The following OR1B1 variants were observed in gnomAD, a reference collection of about 807,000 sequenced individuals.
The protein encoded by OR1B1 is olfactory receptor 1B1.
For missense variants in OR1B1, 414 were observed against 402.1 expected, an observed-to-expected ratio of 1.03 and a Z score of -0.25; for synonymous variants, 168 against 156.2, an observed-to-expected ratio of 1.08 and a Z score of -0.57.
the OR1B1 span, among the ~76,000 whole-genome samples, chr9:122,644,885 G>A: frequency 6.6e-6 from 1 of 152,136 alleles, no homozygotes; most frequent in Non-Finnish European, 1.5e-5. Context: ...CCAGACACCA[G>A]TGAACATCTA....
the OR1B1 span, among the ~76,000 whole-genome samples, chr9:122,653,029 C>T: frequency 6.6e-6 from 1 of 152,150 alleles, no homozygotes; most frequent in Non-Finnish European, 1.5e-5. Context: ...GCACTCAGGA[C>T]TAAGGCCAGC....
the OR1B1 span, among the ~76,000 whole-genome samples, chr9:122,641,494 G>A: frequency 7.8e-4 from 118 of 152,224 alleles, no homozygotes; most frequent in African/African-American, 2.7e-3. Context: ...TCAAAGTGGT[G>A]GGGAAAGAGT....
the OR1B1 span, among the ~76,000 whole-genome samples, chr9:122,636,444 G>A: frequency 6.6e-6 from 1 of 152,152 alleles, no homozygotes; most frequent in Admixed American, 6.5e-5. Context: ...GTGAAACCCA[G>A]TCTCTACCAA....
chr9:122,646,886 GACATAAGGAGAA>G, the OR1B1 span, among the ~76,000 whole-genome samples: 474 of 152,166 alleles, frequency 3.1e-3, no homozygotes, highest in African/African-American at 0.011. Flanking sequence ...AGCACAATAA[GACATAAGGAGAA>G]ACAACAAAAA....
upstream of OR1B1, among the ~76,000 whole-genome samples, chr9:122,632,663 C>T (rs1220415786): frequency 5.9e-5 from 9 of 152,254 alleles, no homozygotes; most frequent in East Asian, 1.5e-3. Context: ...TGAGTGAGAA[C>T]ATTCAATGTT....
At chr9:122,629,704 G>A (rs950798808), upstream of OR1B1, 20 of 527,206 alleles carry the variant, frequency 3.8e-5, no homozygotes, top group African/African-American at 1.9e-4. Context: ...CTAGGATTTC[G>A]CTTCCTTAAT....
At chr9:122,655,862 T>A in the OR1B1 span, among the ~76,000 whole-genome samples, 1 of 152,044 alleles carries the variant, frequency 6.6e-6, no homozygotes, top group Non-Finnish European at 1.5e-5. Flanking sequence ...AAAAGTCCTA[T>A]TTTGTGAAAT....
the OR1B1 span, among the ~76,000 whole-genome samples, chr9:122,639,990 G>T: frequency 6.6e-6 from 1 of 151,930 alleles, no homozygotes; most frequent in African/African-American, 2.4e-5. Context: ...GAAACCTGCG[G>T]TTCTGTGAGG....
the OR1B1 span, among the ~76,000 whole-genome samples, chr9:122,649,354 T>A: frequency 6.6e-6 from 1 of 152,200 alleles, no homozygotes; most frequent in African/African-American, 2.4e-5. Context: ...AAAGACTTCA[T>A]GTCTAAAACA....
exon 1 of OR1B1, chr9:122,628,829 G>A (rs1564218595): frequency 1.9e-6 from 3 of 1,614,162 alleles, no homozygotes; most frequent in Non-Finnish European, 2.5e-6. Context: ...ACCAGCAGCT[G>A]AAGGCAAACG....
At chr9:122,646,907 A>G in the OR1B1 span, among the ~76,000 whole-genome samples, 1 of 152,270 alleles carries the variant, frequency 6.6e-6, no homozygotes, top group Non-Finnish European at 1.5e-5. Context: ...AAACAACAAA[A>G]AGTTAAAAAG....
At chr9:122,632,880 C>A (rs1339821307), upstream of OR1B1, among the ~76,000 whole-genome samples, 2 of 152,114 alleles carry the variant, frequency 1.3e-5, no homozygotes. Flanking sequence ...CAAGACTGGG[C>A]AATTTAGAAA....
At chr9:122,650,331 C>T in the OR1B1 span, among the ~76,000 whole-genome samples, 1 of 151,998 alleles carries the variant, frequency 6.6e-6, no homozygotes, top group African/African-American at 2.4e-5. Context: ...TAAACCACCA[C>T]AGCACGTGTA....
the OR1B1 span, among the ~76,000 whole-genome samples, chr9:122,647,356 G>A: frequency 6.6e-6 from 1 of 152,078 alleles, no homozygotes; most frequent in African/African-American, 2.4e-5. Context: ...GTGGGTCGAT[G>A]ATAATGGAAA....
the OR1B1 span, among the ~76,000 whole-genome samples, chr9:122,638,014 C>T: frequency 6.6e-6 from 1 of 152,110 alleles, no homozygotes; most frequent in African/African-American, 2.4e-5. Flanking sequence ...ATCAAAACAA[C>T]ATGCATGGAG....
chr9:122,639,760 AATATATATTT>A, the OR1B1 span: 4 of 149,190 alleles, frequency 2.7e-5, no homozygotes, highest in African/African-American at 9.8e-5. Flanking sequence ...ATTAAATTTC[AATATATATTT>A]ATATATATTT....
exon 1 of OR1B1, chr9:122,629,089 C>T (rs1830173894): frequency 3.7e-6 from 6 of 1,613,964 alleles, no homozygotes; most frequent in African/African-American, 2.7e-5. Context: ...CCACCCAGCT[C>T]AAGGCTAGTA....
chr9:122,637,779 A>G, the OR1B1 span, among the ~76,000 whole-genome samples: 1 of 152,146 alleles, frequency 6.6e-6, no homozygotes, highest in African/African-American at 2.4e-5. Context: ...ACTTCTTTGA[A>G]GTTTTTTAAG....
At chr9:122,636,271 T>C in the OR1B1 span, among the ~76,000 whole-genome samples, 1 of 152,232 alleles carries the variant, frequency 6.6e-6, no homozygotes, top group Non-Finnish European at 1.5e-5. Flanking sequence ...TACACACACA[T>C]ATACACATAT....
Sources: allele counts gnomAD v4.1 joint callset (sites outside exome capture counted in the v4.1 genomes callset), GRCh38; gene constraint gnomAD v4.1.1; transcripts MANE v1.5; gene names NCBI Gene and HGNC (gene_info 2026-07-23, HGNC 2026-07-21).